The following GALNT13 variants were observed in gnomAD, a reference collection of about 807,000 sequenced individuals.
GALNT13 encodes UDP-GalNAc:polypeptide N-acetylgalactosaminyltransferase 13.
Under a neutral mutation model 64.2 loss-of-function variants are expected in GALNT13, and 28 were observed. The ratio of observed to expected loss-of-function variants is 0.44; its 90% confidence interval spans 0.32 to 0.60. The LOEUF is 0.60. GALNT13 is among the 20% of genes least tolerant of loss of function. The pLI is 0.05. For synonymous variants in GALNT13, 214 were observed against 224.6 expected (o/e 0.95, Z 0.42); for missense variants, 577 against 669.8 (o/e 0.86, Z 1.53).
At chr2:154,392,273 C>G (rs192453995) in intron 9 of GALNT13, among the ~76,000 whole-genome samples, 1 of 152,208 alleles carries the variant, frequency 6.6e-6, no homozygotes, top group East Asian at 1.9e-4. Context: ...TCAAATTCAT[C>G]TCTTCAACTG....
intron 3 of GALNT13, among the ~76,000 whole-genome samples, chr2:154,059,898 T>G (rs1700084013): frequency 1.3e-5 from 2 of 152,158 alleles, no homozygotes; most frequent in Non-Finnish European, 2.9e-5. Context: ...CAGCAAGGGA[T>G]GGTGAAGCTT....
intron 4 of GALNT13, among the ~76,000 whole-genome samples, chr2:154,141,683 A>C (rs1470810968): frequency 6.6e-6 from 1 of 152,172 alleles, no homozygotes; most frequent in African/African-American, 2.4e-5. Context: ...TTTGCTTATA[A>C]AAAGTATACC....
At chr2:153,488,225 G>A in the GALNT13 span, among the ~76,000 whole-genome samples, 1 of 152,200 alleles carries the variant, frequency 6.6e-6, no homozygotes, top group Non-Finnish European at 1.5e-5. Context: ...AAACCTGACT[G>A]AAATGCACAG....
chr2:153,643,467 A>G, the GALNT13 span, among the ~76,000 whole-genome samples: 2 of 151,678 alleles, frequency 1.3e-5, no homozygotes, highest in South Asian at 2.1e-4. Context: ...AAATAGTTCT[A>G]TAAACACTAA....
rs1693118452 is a variant in GALNT13, at chr2:154,298,573, A to AATTGTATATATAAATTATATATAC, written c.976-2823_976-2822insATTATATATACATTGTATATATAA. ...AAATTGTATATATAATTTATATATA[A>AATTGTATATATAAATTATATATAC]ATTGTATATATAATTTATATATACA... is the stretch of plus-strand genomic sequence containing the variant. On this transcript the variant is annotated intron_variant, in intron 8 of 12. Transcript: ENST00000392825. 6.4e-4 allele frequency among the ~76,000 whole-genome samples: 7 copies of AATTGTATATATAAATTATATATAC among 10,972 alleles called. 3 individuals are homozygous for AATTGTATATATAAATTATATATAC. Among genetic ancestry groups the AATTGTATATATAAATTATATATAC allele is most frequent in the African/African-American group, 1.5e-3 (7 of 4,730 alleles). 7.2% of individuals were successfully genotyped at this position (10,972 alleles called of 152,430 possible). A position where few individuals can be genotyped will look rare whatever the true frequency, so the allele number is the denominator to read the frequency against.
the GALNT13 span, among the ~76,000 whole-genome samples, chr2:153,333,248 C>T: frequency 6.6e-6 from 1 of 152,182 alleles, no homozygotes. Flanking sequence ...ATGTTCAAGC[C>T]TCTTCCCAAG....
At chr2:153,339,713 C>G in the GALNT13 span, among the ~76,000 whole-genome samples, 1 of 151,990 alleles carries the variant, frequency 6.6e-6, no homozygotes, top group Non-Finnish European at 1.5e-5. Context: ...AAGCTTTTTG[C>G]CTGTGTGGTT....
intron 3 of GALNT13, among the ~76,000 whole-genome samples, chr2:154,075,596 T>C (rs1402984237): frequency 2.0e-5 from 3 of 151,820 alleles, no homozygotes; most frequent in Admixed American, 6.6e-5. Context: ...TGTAGCAATG[T>C]ACACTCTTCA....
chr2:153,938,665 A>G (rs1158357797), intron 2 of GALNT13, among the ~76,000 whole-genome samples: 1 of 152,146 alleles, frequency 6.6e-6, no homozygotes, highest in African/African-American at 2.4e-5. Flanking sequence ...CAAAATCAAG[A>G]TGTCAGCAGT....
chr2:154,384,835 CA>C (rs1436162403), intron 9 of GALNT13, among the ~76,000 whole-genome samples: 1 of 151,884 alleles, frequency 6.6e-6, no homozygotes, highest in African/African-American at 2.4e-5. Context: ...TGAAACCATT[CA>C]GGAAATTTTT....
the GALNT13 span, among the ~76,000 whole-genome samples, chr2:153,383,028 T>A: frequency 1.3e-5 from 2 of 152,112 alleles, no homozygotes; most frequent in African/African-American, 4.8e-5. Context: ...TTTAAATAAT[T>A]CTTTTTTAAA....
the GALNT13 span, among the ~76,000 whole-genome samples, chr2:153,248,829 G>C: frequency 2.3e-5 from 1 of 44,268 alleles, no homozygotes. Flanking sequence ...AAAAAAAAAA[G>C]AAAAAAAAGA....
chr2:153,555,299 A>G, the GALNT13 span, among the ~76,000 whole-genome samples: 1 of 108,258 alleles, frequency 9.2e-6, no homozygotes, highest in Non-Finnish European at 1.8e-5. Context: ...GGTTCACGCC[A>G]TTCTCCTGCC....
chr2:154,273,276 G>C (rs1691452891), intron 8 of GALNT13, among the ~76,000 whole-genome samples: 1 of 152,146 alleles, frequency 6.6e-6, no homozygotes, highest in Non-Finnish European at 1.5e-5. Flanking sequence ...GCTGATACCA[G>C]ATGACAGGAA....
chr2:153,691,308 G>A, the GALNT13 span, among the ~76,000 whole-genome samples: 20 of 152,112 alleles, frequency 1.3e-4, no homozygotes, highest in African/African-American at 3.9e-4. Context: ...TACCTTTGCC[G>A]GAGAGAGAGA....
At chr2:153,214,297 G>T in the GALNT13 span, among the ~76,000 whole-genome samples, 5 of 152,184 alleles carry the variant, frequency 3.3e-5, no homozygotes, top group East Asian at 9.7e-4. Context: ...CATTTGCCTT[G>T]TTAGGACAGC....
chr2:153,133,916 T>C, the GALNT13 span, among the ~76,000 whole-genome samples: 35 of 152,194 alleles, frequency 2.3e-4, no homozygotes, highest in Non-Finnish European at 4.6e-4. Flanking sequence ...CTGCACACAA[T>C]AGGTGTCAAA....
the GALNT13 span, among the ~76,000 whole-genome samples, chr2:153,186,573 T>C: frequency 7.2e-6 from 1 of 138,790 alleles, no homozygotes; most frequent in Admixed American, 7.1e-5. Context: ...TCAGTGAGTA[T>C]TTTTTTTTTT....
chr2:153,408,374 G>T, the GALNT13 span, among the ~76,000 whole-genome samples: 1 of 151,880 alleles, frequency 6.6e-6, no homozygotes, highest in Non-Finnish European at 1.5e-5. Flanking sequence ...CCACCACCAA[G>T]TTGAAGGAAA....
Sources: gnomAD v4.1 joint callset for allele counts (sites outside exome capture counted in the v4.1 genomes callset) on GRCh38, gnomAD v4.1.1 for gene constraint, MANE v1.5 for transcripts, NCBI Gene and HGNC (gene_info 2026-07-23, HGNC 2026-07-21) for gene names.